RPAP2: variants seen among roughly 807,000 people sequenced by gnomAD.
The protein encoded by RPAP2 is putative RNA polymerase II subunit B1 CTD phosphatase RPAP2.
A neutral mutation model predicts 73.1 loss-of-function variants in RPAP2; 52 were observed. The ratio of observed to expected loss-of-function variants is 0.71; its 90% CI spans 0.57 to 0.90. The LOEUF (loss-of-function observed/expected upper bound fraction) is 0.90, where lower values mean the gene tolerates loss of function less well. Ranked by LOEUF, RPAP2 falls within the 40% of genes least tolerant of loss-of-function variation. RPAP2 has a pLI of 0.00. For missense variants in RPAP2, 598 were observed against 701.8 expected (o/e 0.85, Z 1.67); for synonymous variants, 225 against 242.1 (o/e 0.93, Z 0.65).
At position 92,392,507 on chromosome 1, in the gene RPAP2, T is replaced by G. The variant is rs1229765272; in HGVS notation, c.*5496T>G. ...GGATGCCCTCTCTCACCACTCCTAT[T>G]CAACATAGTATTGGAAGTTCTGGCC... On this transcript the variant is annotated 3_prime_UTR_variant, in exon 13 of 13. Transcript: ENST00000610020. The G allele has an allele frequency of 6.6e-6, 1 of 152,124 alleles. No homozygotes were observed. The highest frequency in any genetic ancestry group is 2.4e-5 in the African/African-American group (1 of 41,414). The allele number at this position is 152,124 out of a possible 1,614,324, so 9.4% of individuals were successfully genotyped here.
intron 5 of RPAP2, among the ~76,000 whole-genome samples, chr1:92,305,572 T>C (rs1360183013): frequency 6.6e-6 from 1 of 150,558 alleles, no homozygotes. Flanking sequence ...CTTTTGTTCA[T>C]CAGAAGTTTC....
At chr1:92,307,153 TAAG>T (rs1239020969) in intron 5 of RPAP2, 32 bp from the exon 6 acceptor site, 5 of 1,436,760 alleles carry the variant, frequency 3.5e-6, no homozygotes, top group Non-Finnish European at 3.9e-6. Flanking sequence ...TGTTTCATGA[TAAG>T]AAAAAAACTA....
rs1655938284 is a variant in RPAP2, at chr1:92,388,446, G to C, written c.*1435G>C. On this transcript the variant is annotated 3_prime_UTR_variant, in exon 13 of 13. Coordinates refer to ENST00000610020, the MANE Select transcript of RPAP2 (RefSeq NM_024813.3). Reference sequence around the variant, plus strand: ...CAGCTCCAGTCTACAGCTCCCAGCAGGATGGACACAGAAGATGGGTGATTT... The same window carrying C: ...CAGCTCCAGTCTACAGCTCCCAGCACGATGGACACAGAAGATGGGTGATTT... 1.3e-5 allele frequency: 2 copies of C among 152,346 alleles called. No homozygotes were observed. The highest frequency in any genetic ancestry group is 3.8e-4 in the East Asian group (2 of 5,198). The allele number at this position is 152,346 out of a possible 1,614,324, so 9.4% of individuals were successfully genotyped here.
chr1:92,383,690 A>G (rs899136555), intron 12 of RPAP2, among the ~76,000 whole-genome samples: 1 of 151,838 alleles, frequency 6.6e-6, no homozygotes, highest in African/African-American at 2.4e-5. Context: ...TTTTCTAGAT[A>G]TACAATCATG....
At position 92,337,270 on chromosome 1, in the gene RPAP2, C is replaced by G. The variant is rs149886789; in HGVS notation, c.1619+843C>G. 1.1e-4 allele frequency among the ~76,000 whole-genome samples: 16 copies of G among 152,146 alleles called. No individual in the cohort carries two copies. The East Asian group carries it at 2.9e-3, about 28-fold the overall frequency. On this transcript the variant is annotated intron_variant, in intron 10 of 12. Transcript: ENST00000610020. Reference sequence around the variant, plus strand: ...ATTTTAGAAGTGTAAAATTACAGTACAGGAACAGTTTCTTGGCATAGTCAG... The same window carrying G: ...ATTTTAGAAGTGTAAAATTACAGTAGAGGAACAGTTTCTTGGCATAGTCAG...
rs771696497 is a variant in RPAP2, at chr1:92,380,845, A to G, written c.1810A>G (p.Ile604Val). ...TGAAGACCTTGAAAGTCTAACCATC[A>G]TATTTAGAACCAGCTGTTTACCAGA... Reference protein sequence around the residue: ...KNEDLESLTIIFRTSCLPE With the variant: ...KNEDLESLTIVFRTSCLPE Residue 604 changes from isoleucine to valine, a missense_variant, in exon 12 of 13, where the codon ATA becomes GTA. Physicochemically the swap from Ile to Val is conservative, Grantham distance 29. Coordinates refer to ENST00000610020, the MANE Select transcript of RPAP2 (RefSeq NM_024813.3). The G allele has an allele frequency of 6.3e-7, 1 of 1,596,010 alleles. No individual in the cohort carries two copies. Among genetic ancestry groups the G allele is most frequent in the Admixed American group, 1.8e-5 (1 of 55,932 alleles).
intron 11 of RPAP2, among the ~76,000 whole-genome samples, chr1:92,349,070 T>C (rs1475973603): frequency 6.6e-6 from 1 of 152,244 alleles, no homozygotes; most frequent in African/African-American, 2.4e-5. Flanking sequence ...ACTGTAGGCA[T>C]ACATGGGTGT....
At chr1:92,371,661 TGTTAA>T (rs997230555) in intron 11 of RPAP2, among the ~76,000 whole-genome samples, 104 of 151,666 alleles carry the variant, frequency 6.9e-4, no homozygotes, top group African/African-American at 1.9e-3. Flanking sequence ...ATCTGGAGGA[TGTTAA>T]GTTAAGTGAA....
intron 11 of RPAP2, among the ~76,000 whole-genome samples, chr1:92,351,840 C>T (rs1654235103): frequency 6.6e-6 from 1 of 152,082 alleles, no homozygotes; most frequent in Non-Finnish European, 1.5e-5. Context: ...GTAACTTTTC[C>T]TCCCAAATTT....
At chr1:92,302,637 T>C (rs1261916827) in intron 3 of RPAP2, among the ~76,000 whole-genome samples, 2 of 128,456 alleles carry the variant, frequency 1.6e-5, no homozygotes, top group Non-Finnish European at 3.2e-5. Context: ...AGCCTCACTC[T>C]GTCGCCCAGG....
chr1:92,338,769 T>C (rs796467480), intron 10 of RPAP2, among the ~76,000 whole-genome samples: 13 of 151,828 alleles, frequency 8.6e-5, no homozygotes, highest in African/African-American at 3.1e-4. Flanking sequence ...CTGGCTAATT[T>C]TTTTTTTAAG....
At chr1:92,325,380 A>T (rs1652567237) in intron 8 of RPAP2, among the ~76,000 whole-genome samples, 1 of 152,118 alleles carries the variant, frequency 6.6e-6, no homozygotes, top group African/African-American at 2.4e-5. Flanking sequence ...ACCCTACTTC[A>T]AATCATTTCA....
At chr1:92,302,527 A>G (rs1650923551) in intron 3 of RPAP2, among the ~76,000 whole-genome samples, 1 of 151,608 alleles carries the variant, frequency 6.6e-6, no homozygotes, top group Admixed American at 6.6e-5. Context: ...TCTTATTTCA[A>G]AAACCTGAAA....
chr1:92,375,851 T>G (rs1655366121), intron 11 of RPAP2, among the ~76,000 whole-genome samples: 1 of 150,100 alleles, frequency 6.7e-6, no homozygotes, highest in Non-Finnish European at 1.5e-5. Context: ...AACAAAAAAT[T>G]TAGATGGGTG....
At chr1:92,320,713 C>A in intron 7 of RPAP2, 79 bp downstream of exon 7, 1 of 1,117,086 alleles carries the variant, frequency 9.0e-7, no homozygotes, top group Non-Finnish European at 1.3e-6. Context: ...GTGATATGAG[C>A]TCTTGGACTT....
chr1:92,370,129 C>T (rs1655089199), intron 11 of RPAP2, among the ~76,000 whole-genome samples: 1 of 152,206 alleles, frequency 6.6e-6, no homozygotes, highest in South Asian at 2.1e-4. Context: ...AAGTGATCCG[C>T]CCGCATCAGC....
intron 5 of RPAP2, 72 bp from the exon 6 acceptor site, chr1:92,307,116 T>C: frequency 9.9e-7 from 1 of 1,010,076 alleles, no homozygotes; most frequent in Admixed American, 2.4e-5. Flanking sequence ...ACATTTATGT[T>C]TTATACTCTC....
At chr1:92,315,111 CAA>C (rs752090057) in intron 6 of RPAP2, among the ~76,000 whole-genome samples, 14 of 135,886 alleles carry the variant, frequency 1.0e-4, no homozygotes, top group African/African-American at 3.3e-4. Context: ...GTTGCAGTCT[CAA>C]AAAAAAAAAA....
rs558486250 is a variant in RPAP2, at chr1:92,384,130, G to T, written c.*-2881G>T. Among the ~76,000 whole-genome samples, 7 of 151,180 alleles carry T rather than the reference G, an allele frequency of 4.6e-5. No homozygotes were observed. In the South Asian group the frequency reaches 1.5e-3, roughly 32 times the overall value. ...GCACCACCACGCCCAGCTAATTTTT[G>T]TATTTTTAGTAGACATGGGGTTTCA... On this transcript the variant is annotated intron_variant, in intron 12 of 12. Coordinates refer to ENST00000610020, the MANE Select transcript of RPAP2 (RefSeq NM_024813.3).
Sources: allele counts gnomAD v4.1 joint callset (sites outside exome capture counted in the v4.1 genomes callset), GRCh38; gene constraint gnomAD v4.1.1; transcripts MANE v1.5; gene names NCBI Gene and HGNC (gene_info 2026-07-23, HGNC 2026-07-21).